Variants in SMG1 observed in about 807,000 individuals in gnomAD.
The protein encoded by SMG1 is serine/threonine-protein kinase SMG1.
SMG1 carries 22 observed loss-of-function variants against 419.9 expected under a neutral mutation model. That is an observed-to-expected ratio of 0.05 (90% CI 0.04 to 0.07). SMG1 has a LOEUF of 0.07. Ranked by LOEUF, SMG1 falls within the 10% of genes least tolerant of loss-of-function variation. The pLI is 1.00. For synonymous variants in SMG1, 1,538 were observed against 1,553.5 expected, an observed-to-expected ratio of 0.99 and a Z score of 0.23; for missense variants, 3,185 against 4,342.0, an observed-to-expected ratio of 0.73 and a Z score of 7.49.
chr16:18,912,519 CAAT>C lies in SMG1; in HGVS notation c.92+13428_92+13430del, dbSNP rs774479197. ...TGAATTAATATTAGAGTGGGGAGAA[CAAT>C]AATGATTAATTTTTACTTCTTCAGT... On this transcript the variant is annotated intron_variant, in intron 1 of 62. Coordinates refer to ENST00000446231, the MANE Select transcript of SMG1 (RefSeq NM_015092.5). Among the ~76,000 whole-genome samples the C allele has an allele frequency of 2.2e-4, 33 of 151,878 alleles. No homozygotes were observed. In the South Asian group the frequency reaches 2.7e-3, roughly 12 times the overall value.
chr16:18,899,335 T>C (rs868602803), intron 1 of SMG1, among the ~76,000 whole-genome samples: 17 of 151,912 alleles, frequency 1.1e-4, no homozygotes, highest in Middle Eastern at 3.4e-3. Context: ...AACACTGAGA[T>C]TTTTTTCCCA....
At position 18,919,407 on chromosome 16, in the gene SMG1, G is replaced by T. The variant is rs544738902; in HGVS notation, c.92+6543C>A. On this transcript the variant is annotated intron_variant, in intron 1 of 62. Transcript: ENST00000446231. ...TGGGAGGCTGAGGCGGGCGGATCAT[G>T]ACATCAGAAGATCAAGACCATCCTG... 2.2e-4 allele frequency among the ~76,000 whole-genome samples: 33 copies of T among 151,612 alleles called. No individual in the cohort carries two copies. The East Asian group carries it at 5.9e-3, about 27-fold the overall frequency.
In SMG1 at chr16:18,847,894, T is replaced by A. The variant is rs527323335; in HGVS notation, c.5763A>T (p.Glu1921Asp). The change falls in exon 37 of 63, where the codon GAA becomes GAT. Residue 1921 changes from glutamate to aspartate, a missense_variant. Physicochemically the swap from Glu to Asp is conservative, Grantham distance 45. Transcript: ENST00000446231. ...AACAATCCTGCATCATGGCTTGGTCTTCATTTAATCCACTTTTAGGTTCAT... is the reference window on the plus strand; with the variant it reads ...AACAATCCTGCATCATGGCTTGGTCATCATTTAATCCACTTTTAGGTTCAT... ...NKDEPKSGLN[E>D]DQAMMQDCYS... is the part of the protein sequence containing the mutation. 1 of 1,614,050 alleles carries A rather than the reference T, an allele frequency of 6.2e-7. No homozygotes were observed. Among genetic ancestry groups the A allele is most frequent in the Non-Finnish European group, 8.5e-7 (1 of 1,179,882 alleles).
intron 5 of SMG1, among the ~76,000 whole-genome samples, 164 bp downstream of exon 5, chr16:18,890,699 C>T (rs536430631): frequency 6.6e-5 from 10 of 152,198 alleles, no homozygotes; most frequent in Admixed American, 2.0e-4. Context: ...TGTATTCAAC[C>T]GTAATTAACA....
intron 29 of SMG1, 38 bp from the exon 30 acceptor site, chr16:18,854,942 T>C (rs772828130): frequency 6.3e-7 from 1 of 1,590,222 alleles, no homozygotes; most frequent in South Asian, 1.1e-5. Flanking sequence ...TCCTAATTTG[T>C]CTAAACCAGA....
chr16:18,836,916 T>C (rs377465514), intron 46 of SMG1, among the ~76,000 whole-genome samples: 8 of 152,178 alleles, frequency 5.3e-5, no homozygotes, highest in African/African-American at 7.2e-5. Context: ...GTGAGGTAGA[T>C]GAAGTAGCTG....
chr16:18,845,896 A>G (rs1228194168), intron 38 of SMG1, among the ~76,000 whole-genome samples: 1 of 151,742 alleles, frequency 6.6e-6, no homozygotes, highest in Non-Finnish European at 1.5e-5. Flanking sequence ...GCTCACTGCA[A>G]CCTCCACCTC....
chr16:18,811,816 G>A lies in SMG1; in HGVS notation c.10853C>T (p.Ala3618Val), dbSNP rs774789656. The A allele has an allele frequency of 6.2e-7, 1 of 1,613,912 alleles. No homozygotes were observed. Among genetic ancestry groups the A allele is most frequent in the Admixed American group, 1.7e-5 (1 of 59,994 alleles). ...YAVSVWKRVK[A>V]KLEGRDVDPN... is the part of the protein sequence containing the mutation. Reference sequence around the variant, plus strand: ...ATCAACATCTCGGCCCTCTAACTTGGCTTTCACTCTCTTCCACACACTCAC... The same window carrying A: ...ATCAACATCTCGGCCCTCTAACTTGACTTTCACTCTCTTCCACACACTCAC... Residue 3618 changes from alanine to valine, a missense_variant, in exon 62 of 63, where the codon GCC (alanine) becomes GTC (valine). Coordinates refer to ENST00000446231, the MANE Select transcript of SMG1 (RefSeq NM_015092.5).
At chr16:18,879,094 T>C (rs2036272438) in intron 11 of SMG1, 1 of 271,468 alleles carries the variant, frequency 3.7e-6, no homozygotes, top group African/African-American at 2.2e-5. Flanking sequence ...TCTAAGAAAA[T>C]AATATAATAA....
chr16:18,855,914 G>C (rs567518515), intron 29 of SMG1, among the ~76,000 whole-genome samples: 38 of 152,260 alleles, frequency 2.5e-4, no homozygotes, highest in Admixed American at 2.4e-3. Context: ...CCTGAATTCA[G>C]CTTGTTACTG....
At position 18,876,162 on chromosome 16, in the gene SMG1, G is replaced by C. The variant is rs1278226932; in HGVS notation, c.1852C>G (p.Leu618Val). Residue 618 changes from leucine (L) to valine (V), a missense_variant, in exon 13 of 63, where the codon CTG (leucine) becomes GTG (valine). Transcript: ENST00000446231. ...TTTTTGGCATTTCCAATTGTAGTCA[G>C]GGCACTGAGGTCAAATATAACTACA... is the stretch of plus-strand genomic sequence containing the variant. The part of the protein sequence containing the change: ...KFVVIFDLSA[L>V]TTIGNAKNSL... 6.2e-7 allele frequency: 1 copy of C among 1,611,636 alleles called. No individual in the cohort carries two copies. Among genetic ancestry groups the C allele is most frequent in the African/African-American group, 1.3e-5 (1 of 74,850 alleles).
chr16:18,878,432 A>AC (rs35911005), intron 11 of SMG1: 2 of 151,954 alleles, frequency 1.3e-5, no homozygotes, highest in Non-Finnish European at 2.9e-5. Context: ...ATGTAGTGAG[A>AC]CCCCTTCTCT....
Position 18,834,936 on chromosome 16 carries a change from CA to C in SMG1, c.8285del (p.Leu2762Ter). On this transcript the variant is annotated frameshift_variant, in exon 49 of 63. Transcript: ENST00000446231. LOFTEE classifies it high-confidence loss of function. ...FLHENGEEGS[L>X]SLASVIISAL... ...CAGAAATAATAACACTTGCTAGACT[CA>C]AAGATCCTTCTTCTCCATTCTCATG... 6.2e-7 allele frequency: 1 copy of C among 1,614,004 alleles called. No homozygotes were observed. The highest frequency in any genetic ancestry group is 8.5e-7 in the Non-Finnish European group (1 of 1,179,882).
chr16:18,876,669 T>TG (rs1555500404), intron 12 of SMG1, among the ~76,000 whole-genome samples: 3 of 150,630 alleles, frequency 2.0e-5, no homozygotes, highest in Non-Finnish European at 3.0e-5. Flanking sequence ...TGGCCGTTTT[T>TG]TTTTTTTTTT....
At chr16:18,815,090 A>T in intron 60 of SMG1, 85 bp downstream of exon 60, 1 of 860,946 alleles carries the variant, frequency 1.2e-6, no homozygotes, top group Non-Finnish European at 1.9e-6. Context: ...TAAGTGTTTA[A>T]TATTAGACAG....
chr16:18,869,335 A>G (rs1279820030), intron 19 of SMG1, 32 bp from the exon 20 acceptor site: 2 of 1,535,748 alleles, frequency 1.3e-6, no homozygotes, highest in Non-Finnish European at 1.8e-6. Context: ...TTAAAAGACA[A>G]TGACAACTTC....
At chr16:18,852,979 T>C (rs758505543) in intron 31 of SMG1, among the ~76,000 whole-genome samples, 4 of 152,238 alleles carry the variant, frequency 2.6e-5, no homozygotes, top group Non-Finnish European at 5.9e-5. Flanking sequence ...ATATCCTTTA[T>C]GAATATCAAG....
In SMG1 at chr16:18,876,660, G is replaced by A. The variant is rs538683046; in HGVS notation, c.1621-267C>T. ...ACTGTCAATATGAAATTTCCGAAATGGCCGTTTTTTTTTTTTTTTAAATAA... is the reference window on the plus strand; with the variant it reads ...ACTGTCAATATGAAATTTCCGAAATAGCCGTTTTTTTTTTTTTTTAAATAA... On this transcript the variant is annotated intron_variant, in intron 12 of 62. Coordinates refer to ENST00000446231, the MANE Select transcript of SMG1 (RefSeq NM_015092.5). 1.4e-4 allele frequency among the ~76,000 whole-genome samples: 9 copies of A among 65,542 alleles called. No individual in the cohort carries two copies. In the East Asian group the frequency reaches 5.1e-3, roughly 37 times the overall value. 43.0% of individuals were successfully genotyped at this position (65,542 alleles called of 152,430 possible).
chr16:18,853,689 G>A lies in SMG1; in HGVS notation c.4662C>T (p.Asn1554=). The A allele has an allele frequency of 6.2e-7, 1 of 1,613,752 alleles. No individual in the cohort carries two copies. Among genetic ancestry groups the A allele is most frequent in the Non-Finnish European group, 8.5e-7 (1 of 1,179,788 alleles). ...KQVYRAQHQQ[N]FTGLSTLSKN... is the part of the protein sequence containing the mutation. Reference sequence around the variant, plus strand: ...TAGACAAAGTAGAAAGACCTGTGAAGTTCTGTTGGTGCTGAGCTCTGTAAA... The same window carrying A: ...TAGACAAAGTAGAAAGACCTGTGAAATTCTGTTGGTGCTGAGCTCTGTAAA... The change falls in exon 31 of 63, where the codon AAC becomes AAT. Residue 1554 remains asparagine (N), a synonymous_variant. Coordinates refer to ENST00000446231, the MANE Select transcript of SMG1 (RefSeq NM_015092.5).
Sources: allele counts gnomAD v4.1 joint callset (sites outside exome capture counted in the v4.1 genomes callset), GRCh38; gene constraint gnomAD v4.1.1; transcripts MANE v1.5; gene names NCBI Gene and HGNC (gene_info 2026-07-23, HGNC 2026-07-21).